SNTG2: variants seen among roughly 807,000 people sequenced by gnomAD.
SNTG2 encodes gamma-2-syntrophin.
A neutral mutation model predicts 70.9 loss-of-function variants in SNTG2; 74 were observed. The observed-to-expected ratio is 1.04, with a 90% confidence interval of 0.86 to 1.27. The LOEUF (loss-of-function observed/expected upper bound fraction) is 1.27. Ranked by LOEUF, SNTG2 falls within the 50% of genes most tolerant of loss-of-function variation. SNTG2 has a pLI of 0.00. For synonymous variants in SNTG2, 278 were observed against 273.8 expected (o/e 1.02, Z -0.15); for missense variants, 717 against 690.7 (o/e 1.04, Z -0.43).
chr2:1,017,784 T>C (rs901976138), intron 1 of SNTG2, among the ~76,000 whole-genome samples: 6 of 152,100 alleles, frequency 3.9e-5, no homozygotes, highest in African/African-American at 1.4e-4. Context: ...CTGTGTCAGG[T>C]GAATGTTAAA....
At chr2:1,199,874 A>G (rs554676524) in intron 8 of SNTG2, among the ~76,000 whole-genome samples, 5 of 152,212 alleles carry the variant, frequency 3.3e-5, no homozygotes, top group Non-Finnish European at 7.4e-5. Context: ...GAAAACGCAA[A>G]CTAATGGAAA....
At chr2:1,168,042 C>T (rs532932885) in intron 7 of SNTG2, among the ~76,000 whole-genome samples, 34 of 132,204 alleles carry the variant, frequency 2.6e-4, no homozygotes, top group African/African-American at 8.9e-4. Flanking sequence ...GACGGCAGAA[C>T]TGAAACCTAC....
At chr2:984,857 T>A (rs1256253425) in intron 1 of SNTG2, among the ~76,000 whole-genome samples, 6 of 152,216 alleles carry the variant, frequency 3.9e-5, no homozygotes, top group Non-Finnish European at 5.9e-5. Context: ...TCAAGTCTAA[T>A]GCTTATTTTA....
intron 16 of SNTG2, among the ~76,000 whole-genome samples, chr2:1,357,946 G>T (rs1190496008): frequency 6.6e-6 from 1 of 151,870 alleles, no homozygotes; most frequent in Admixed American, 6.6e-5. Flanking sequence ...AAATACCATG[G>T]TGTAAACAAC....
Position 997,291 on chromosome 2 carries a change from A to C in SNTG2, c.72+46223A>C, listed in dbSNP as rs73908640. ...ATGAACAGAAGCCTGGATGTCAGCC[A>C]TGAGCCAGCCATGAGGACGTGTAGG... On this transcript the variant is annotated intron_variant, in intron 1 of 16. Coordinates refer to ENST00000308624, the MANE Select transcript of SNTG2 (RefSeq NM_018968.4). 3.3e-3 allele frequency among the ~76,000 whole-genome samples: 506 copies of C among 152,334 alleles called. 3 individuals carry two copies. The highest frequency in any genetic ancestry group is 0.012 in the African/African-American group (490 of 41,586).
At chr2:951,576 G>T (rs941112888) in intron 1 of SNTG2, among the ~76,000 whole-genome samples, 2 of 152,194 alleles carry the variant, frequency 1.3e-5, no homozygotes, top group African/African-American at 4.8e-5. Flanking sequence ...TCGGGGAACC[G>T]CTGGGACGCC....
intron 9 of SNTG2, chr2:1,220,109 C>G (rs1329279717): frequency 1.3e-5 from 2 of 152,274 alleles, no homozygotes; most frequent in Non-Finnish European, 2.9e-5. Flanking sequence ...GAGCACAGCA[C>G]TCGATGCTCT....
intron 1 of SNTG2, among the ~76,000 whole-genome samples, chr2:1,060,820 A>G (rs1055164119): frequency 2.6e-5 from 4 of 152,244 alleles, no homozygotes; most frequent in Non-Finnish European, 5.9e-5. Context: ...AAAGCTATCA[A>G]TGGATTTAAA....
intron 1 of SNTG2, among the ~76,000 whole-genome samples, chr2:972,121 G>A (rs1660764014): frequency 6.6e-6 from 1 of 152,068 alleles, no homozygotes; most frequent in Non-Finnish European, 1.5e-5. Context: ...TCTGTTGTTT[G>A]GGGGTATAGA....
chr2:1,040,079 A>G (rs1661347941), intron 1 of SNTG2, among the ~76,000 whole-genome samples: 1 of 152,078 alleles, frequency 6.6e-6, no homozygotes, highest in African/African-American at 2.4e-5. Flanking sequence ...TCACATGAAC[A>G]CTGGGGCCTC....
At chr2:1,140,308 A>G (rs28454231) in intron 6 of SNTG2, among the ~76,000 whole-genome samples, 150,445 of 152,346 alleles carry the variant, frequency 0.99, 74,311 homozygotes, top group East Asian at 1. Flanking sequence ...TAGTACATCT[A>G]TGCATTTTCA....
intron 6 of SNTG2, chr2:1,161,216 A>G (rs28709327): frequency 0.77 from 116,674 of 152,114 alleles, 45,768 homozygotes; most frequent in Non-Finnish European, 0.86. Flanking sequence ...CCAGAAGGCC[A>G]AGTCTGCAGT....
chr2:1,314,392 G>A (rs1681170046), intron 15 of SNTG2, among the ~76,000 whole-genome samples: 3 of 152,378 alleles, frequency 2.0e-5, no homozygotes, highest in East Asian at 1.9e-4. Context: ...TGAAGTCACA[G>A]CCTTCACTTA....
chr2:1,307,802 G>C (rs1680769944), intron 14 of SNTG2, among the ~76,000 whole-genome samples: 1 of 152,230 alleles, frequency 6.6e-6, no homozygotes, highest in Admixed American at 6.5e-5. Flanking sequence ...GGGCTCCGCA[G>C]CCTGAAGCCC....
chr2:1,138,473 G>A (rs1399963379), intron 6 of SNTG2, among the ~76,000 whole-genome samples: 1 of 152,220 alleles, frequency 6.6e-6, no homozygotes. Context: ...ATGCCAGGAA[G>A]CATGTGGTGG....
intron 1 of SNTG2, among the ~76,000 whole-genome samples, chr2:952,016 G>A (rs1659988602): frequency 6.6e-6 from 1 of 152,184 alleles, no homozygotes; most frequent in Non-Finnish European, 1.5e-5. Context: ...TCTAAACTAG[G>A]ACTGTGGTCG....
chr2:1,257,335 C>T (rs190506659), intron 12 of SNTG2, among the ~76,000 whole-genome samples: 18 of 152,260 alleles, frequency 1.2e-4, no homozygotes, highest in Admixed American at 4.6e-4. Context: ...GTGTGGACTG[C>T]GCCTTGCCTC....
intron 1 of SNTG2, among the ~76,000 whole-genome samples, chr2:1,037,959 G>C (rs751315460): frequency 1.3e-5 from 2 of 152,140 alleles, no homozygotes; most frequent in Non-Finnish European, 2.9e-5. Flanking sequence ...GTATGTACTT[G>C]GGTGGGCTTG....
chr2:1,229,068 A>C (rs371974245), intron 9 of SNTG2, among the ~76,000 whole-genome samples: 1 of 152,106 alleles, frequency 6.6e-6, no homozygotes, highest in Non-Finnish European at 1.5e-5. Context: ...AGCAGCGTGG[A>C]CCCAAAGAGT....
Sources: allele counts gnomAD v4.1 joint callset (sites outside exome capture counted in the v4.1 genomes callset), GRCh38; gene constraint gnomAD v4.1.1; transcripts MANE v1.5; gene names NCBI Gene and HGNC (gene_info 2026-07-23, HGNC 2026-07-21).